The following MOB3B variants were observed in gnomAD, a reference collection of about 807,000 sequenced individuals.
MOB3B encodes the protein MOB kinase activator-like 2B.
MOB3B carries 7 observed loss-of-function variants against 18.7 expected under a neutral mutation model. The observed-to-expected ratio is 0.37, with a 90% confidence interval of 0.21 to 0.70. The LOEUF (loss-of-function observed/expected upper bound fraction) is 0.70. MOB3B is among the 30% of genes least tolerant of loss of function. The pLI is 0.52. For synonymous variants in MOB3B, 111 were observed against 99.9 expected (o/e 1.11, Z -0.66); for missense variants, 253 against 281.3 (o/e 0.90, Z 0.72).
intron 2 of MOB3B, among the ~76,000 whole-genome samples, chr9:27,381,805 T>C (rs1192378348): frequency 6.6e-6 from 1 of 152,074 alleles, no homozygotes; most frequent in African/African-American, 2.4e-5. Flanking sequence ...CACCACCACA[T>C]CCAGCTAAAT....
intron 2 of MOB3B, among the ~76,000 whole-genome samples, chr9:27,404,781 G>T (rs889892772): frequency 5.3e-5 from 8 of 152,114 alleles, no homozygotes; most frequent in African/African-American, 1.9e-4. Flanking sequence ...TATATACTCA[G>T]CAATGGGATT....
At chr9:27,486,094 T>C (rs1819725645) in intron 1 of MOB3B, among the ~76,000 whole-genome samples, 1 of 151,700 alleles carries the variant, frequency 6.6e-6, no homozygotes, top group African/African-American at 2.4e-5. Context: ...CAAATTGTGC[T>C]GTGTGCCAAG....
intron 1 of MOB3B, among the ~76,000 whole-genome samples, chr9:27,456,779 G>T (rs965370013): frequency 6.6e-6 from 1 of 152,138 alleles, no homozygotes; most frequent in Non-Finnish European, 1.5e-5. Context: ...GTTGAATATG[G>T]TACACACTAG....
chr9:27,503,916 T>C (rs1410083214), intron 1 of MOB3B, among the ~76,000 whole-genome samples: 1 of 152,216 alleles, frequency 6.6e-6, no homozygotes, highest in Non-Finnish European at 1.5e-5. Flanking sequence ...CTCTTCAGGC[T>C]GTCCCGGCTC....
intron 1 of MOB3B, 102 bp from the exon 2 acceptor site, chr9:27,455,850 C>G: frequency 2.5e-6 from 3 of 1,214,116 alleles, no homozygotes; most frequent in South Asian, 1.7e-5. Flanking sequence ...GCTGTGCCCA[C>G]TCTCCATCCA....
intron 2 of MOB3B, among the ~76,000 whole-genome samples, chr9:27,442,757 T>C (rs1822614904): frequency 6.6e-6 from 1 of 152,216 alleles, no homozygotes; most frequent in African/African-American, 2.4e-5. Flanking sequence ...CAGTTTGACT[T>C]TGAGCTCTCT....
At chr9:27,401,714 G>T (rs1311158518) in intron 2 of MOB3B, among the ~76,000 whole-genome samples, 1 of 152,180 alleles carries the variant, frequency 6.6e-6, no homozygotes, top group East Asian at 1.9e-4. Flanking sequence ...ATAAAGTAAT[G>T]AGGAAATAAA....
At chr9:27,507,703 A>G (rs560567249) in intron 1 of MOB3B, among the ~76,000 whole-genome samples, 114 of 152,354 alleles carry the variant, frequency 7.5e-4, no homozygotes, top group Middle Eastern at 6.8e-3. Context: ...GGGGTGGCTA[A>G]GTCGAAAGAA....
At chr9:27,505,970 T>TTC (rs1820052832) in intron 1 of MOB3B, among the ~76,000 whole-genome samples, 2 of 152,354 alleles carry the variant, frequency 1.3e-5, no homozygotes, top group Admixed American at 6.5e-5. Context: ...GCTTTTACCT[T>TTC]TCTCTCTCTT....
chr9:27,336,687 G>A (rs1185938321), intron 3 of MOB3B, among the ~76,000 whole-genome samples: 2 of 152,078 alleles, frequency 1.3e-5, no homozygotes, highest in Admixed American at 6.5e-5. Flanking sequence ...TTTTAAAGCC[G>A]TTGGATGTTT....
At chr9:27,353,514 G>A (rs1176508483) in intron 3 of MOB3B, among the ~76,000 whole-genome samples, 3 of 152,188 alleles carry the variant, frequency 2.0e-5, no homozygotes, top group African/African-American at 7.2e-5. Flanking sequence ...GGTAACATTG[G>A]TTTTCACAGC....
Position 27,328,081 on chromosome 9 carries a change from A to C in MOB3B, c.*2506T>G, listed in dbSNP as rs1485257868. On this transcript the variant is annotated 3_prime_UTR_variant, in exon 4 of 4. Coordinates refer to ENST00000262244, the MANE Select transcript of MOB3B (RefSeq NM_024761.5). ...CTTCTCTTAAAAAAAAAAAAGGAAG[A>C]AAAGAAAACAAGGCAAAACATTAAC... 6.6e-6 allele frequency: 1 copy of C among 151,916 alleles called. No homozygotes were observed. Among genetic ancestry groups the C allele is most frequent in the Non-Finnish European group, 1.5e-5 (1 of 67,982 alleles). 9.4% of individuals were successfully genotyped at this position (151,916 alleles called of 1,614,324 possible).
At chr9:27,422,778 A>G (rs978424860) in intron 2 of MOB3B, among the ~76,000 whole-genome samples, 2 of 152,316 alleles carry the variant, frequency 1.3e-5, no homozygotes, top group South Asian at 2.1e-4. Context: ...TACAGAAAAA[A>G]TTTATCAGGA....
rs1291994936 is a variant in MOB3B, at chr9:27,389,426, G to GCCGAGAGCTTCTCTACTTGAACATA, written c.419-30191_419-30190insTATGTTCAAGTAGAGAAGCTCTCGG. 5.8e-4 allele frequency among the ~76,000 whole-genome samples: 88 copies of GCCGAGAGCTTCTCTACTTGAACATA among 152,266 alleles called. 1 individual carries two copies. The highest frequency in any genetic ancestry group is 2.0e-3 in the African/African-American group (83 of 41,554). On this transcript the variant is annotated intron_variant, in intron 2 of 3. Coordinates refer to ENST00000262244, the MANE Select transcript of MOB3B (RefSeq NM_024761.5). ...GGCTTCTTTCCAATTACTTGAACATGCCGAGAGCTTCTCTACTTCAGGTCC... is the reference window on the plus strand; with the variant it reads ...GGCTTCTTTCCAATTACTTGAACATGCCGAGAGCTTCTCTACTTGAACATACCGAGAGCTTCTCTACTTCAGGTCC...
chr9:27,499,520 A>G (rs1419653990), intron 1 of MOB3B, among the ~76,000 whole-genome samples: 2 of 152,252 alleles, frequency 1.3e-5, no homozygotes, highest in East Asian at 3.8e-4. Context: ...TATTAATCAT[A>G]TCTAATTCAA....
At chr9:27,496,868 A>G (rs1349012652) in intron 1 of MOB3B, among the ~76,000 whole-genome samples, 2 of 152,182 alleles carry the variant, frequency 1.3e-5, no homozygotes, top group Non-Finnish European at 2.9e-5. Context: ...CCCAAAGCAA[A>G]TACATGTTCC....
At chr9:27,415,856 A>T (rs550013130) in intron 2 of MOB3B, among the ~76,000 whole-genome samples, 1 of 152,216 alleles carries the variant, frequency 6.6e-6, no homozygotes, top group Non-Finnish European at 1.5e-5. Context: ...CTGGTTCTAA[A>T]CTGCAATACG....
intron 2 of MOB3B, among the ~76,000 whole-genome samples, chr9:27,373,577 C>T (rs1312268849): frequency 6.6e-6 from 1 of 152,196 alleles, no homozygotes; most frequent in African/African-American, 2.4e-5. Context: ...TTTCTTCCAT[C>T]TCAACTGCAA....
At chr9:27,476,220 A>G (rs530752659) in intron 1 of MOB3B, among the ~76,000 whole-genome samples, 12 of 152,372 alleles carry the variant, frequency 7.9e-5, no homozygotes, top group Middle Eastern at 6.8e-3. Context: ...AAAGTACTCA[A>G]AACTAGGTGG....
Sources: gnomAD v4.1 joint callset for allele counts (sites outside exome capture counted in the v4.1 genomes callset) on GRCh38, gnomAD v4.1.1 for gene constraint, MANE v1.5 for transcripts, NCBI Gene and HGNC (gene_info 2026-07-23, HGNC 2026-07-21) for gene names.